RNF43: variants seen among roughly 807,000 people sequenced by gnomAD.
RNF43 encodes the protein ring finger protein 43.
Under a neutral mutation model 78.4 loss-of-function variants are expected in RNF43, and 37 were observed. The ratio of observed to expected loss-of-function variants is 0.47; its 90% CI spans 0.36 to 0.62. RNF43 has a LOEUF of 0.62. Among genes scored for constraint, RNF43 ranks in the 20% least tolerant of loss-of-function variants. RNF43 has a pLI of 0.00. For missense variants in RNF43, 774 were observed against 1,007.9 expected, an observed-to-expected ratio of 0.77 and a Z score of 3.14; for synonymous variants, 347 against 395.0, an observed-to-expected ratio of 0.88 and a Z score of 1.44.
chr17:58,416,567 A>G (rs1203909199), intron 1 of RNF43: 3 of 152,208 alleles, frequency 2.0e-5, no homozygotes, highest in Non-Finnish European at 2.9e-5. Flanking sequence ...AACTACTTTA[A>G]TATCCAGATT....
chr17:58,370,359 C>T (rs1439614989), intron 3 of RNF43, among the ~76,000 whole-genome samples: 1 of 152,150 alleles, frequency 6.6e-6, no homozygotes, highest in African/African-American at 2.4e-5. Flanking sequence ...TGCGCCACCA[C>T]GCCTAGTGAA....
intron 8 of RNF43, among the ~76,000 whole-genome samples, chr17:58,359,238 A>T (rs1486829869): frequency 6.6e-6 from 1 of 152,272 alleles, no homozygotes; most frequent in African/African-American, 2.4e-5. Flanking sequence ...AATAATAAAC[A>T]TATAAATCAC....
chr17:58,362,043 G>A (rs1018416986), intron 6 of RNF43, among the ~76,000 whole-genome samples: 3 of 151,566 alleles, frequency 2.0e-5, no homozygotes, highest in South Asian at 2.1e-4. Context: ...CCGAGATCAC[G>A]CCACTGCATT....
At chr17:58,407,845 C>A (rs773900958) in intron 2 of RNF43, among the ~76,000 whole-genome samples, 1 of 152,156 alleles carries the variant, frequency 6.6e-6, no homozygotes, top group Non-Finnish European at 1.5e-5. Context: ...CATAAAGCCA[C>A]GACGGTTCTA....
chr17:58,393,385 C>T (rs896657739), intron 2 of RNF43, among the ~76,000 whole-genome samples: 1 of 152,008 alleles, frequency 6.6e-6, no homozygotes, highest in African/African-American at 2.4e-5. Context: ...CCAGCCTGGG[C>T]ATCCAGAGCA....
Position 58,357,278 on chromosome 17 carries a change from G to T in RNF43, c.2308+190C>A. 1.3e-6 allele frequency: 1 copy of T among 776,180 alleles called. No homozygotes were observed. The highest frequency in any genetic ancestry group is 2.2e-6 in the Non-Finnish European group (1 of 450,704). 48.1% of individuals were successfully genotyped at this position (776,180 alleles called of 1,614,324 possible). A position where few individuals can be genotyped will look rare whatever the true frequency, so the allele number is the denominator to read the frequency against. ...TCTGCCAACTAAAGGGGTAGCACCT[G>T]GCAGAGGTGGGGTGTTCCTGCACTC... On this transcript the variant is annotated intron_variant, in intron 9 of 9. Coordinates refer to ENST00000407977, the MANE Select transcript of RNF43 (RefSeq NM_017763.6). This position sits in a 1 kb window ranked among gnomAD's most constrained non-coding sequence, Gnocchi z 4.5.
intron 2 of RNF43, among the ~76,000 whole-genome samples, chr17:58,376,478 G>C (rs1172362600): frequency 6.6e-5 from 10 of 152,080 alleles, no homozygotes. Context: ...TTTACAATGA[G>C]AGCTTTTCAA....
At chr17:58,364,596 G>A (rs538096153) in intron 3 of RNF43, among the ~76,000 whole-genome samples, 5 of 152,298 alleles carry the variant, frequency 3.3e-5, no homozygotes, top group East Asian at 1.9e-4. Flanking sequence ...GGGGCCTCCC[G>A]GCCTAGCACA....
rs1598130608 is a variant in RNF43 at position 58,360,724 on chromosome 17, T to C, written c.849+59A>G. 16 of 916,514 alleles carry C rather than the reference T, an allele frequency of 1.7e-5. No individual in the cohort carries two copies. Among genetic ancestry groups the C allele is most frequent in the Admixed American group, 2.2e-5 (1 of 44,490 alleles). 56.8% of individuals were successfully genotyped at this position (916,514 alleles called of 1,614,324 possible). On this transcript the variant is annotated intron_variant, in intron 7 of 9. Transcript: ENST00000407977. This position sits in a 1 kb window ranked among gnomAD's most constrained non-coding sequence, Gnocchi z 4.3. ...ACCAGCCCCTAGGCCTGCCCACCCC[T>C]CCCCCAGCTTCAATCTCCCCAGTCT...
At chr17:58,400,165 C>G (rs1283089015) in intron 2 of RNF43, among the ~76,000 whole-genome samples, 1 of 152,136 alleles carries the variant, frequency 6.6e-6, no homozygotes, top group Non-Finnish European at 1.5e-5. Context: ...ATTCACCGTA[C>G]CACAAGTAAC....
rs1972744084 is a variant in RNF43 at position 58,358,279 on chromosome 17, G to A, written c.1497C>T (p.Ser499=). 1.2e-6 allele frequency: 2 copies of A among 1,614,140 alleles called. No individual in the cohort carries two copies. Among genetic ancestry groups the A allele is most frequent in the South Asian group, 1.1e-5 (1 of 91,088 alleles). ...GVHGSSSTFC[S]SLSSDFDPLV... is the part of the protein sequence containing the mutation. The stretch of plus-strand genomic sequence containing the variant: ...GGGGGTCAAAGTCACTGCTTAGGGA[G>A]CTGCAGAAAGTAGAACTGCTGCCAT... The change falls in exon 9 of 10, where the codon AGC becomes AGT. Residue 499 remains serine, a synonymous_variant. Coordinates refer to ENST00000407977, the MANE Select transcript of RNF43 (RefSeq NM_017763.6). The surrounding 1 kb of genome is among the most constrained non-coding windows in gnomAD (Gnocchi z 6.2).
chr17:58,401,273 G>C (rs966611717), intron 2 of RNF43, among the ~76,000 whole-genome samples: 1 of 152,236 alleles, frequency 6.6e-6, no homozygotes, highest in Non-Finnish European at 1.5e-5. Flanking sequence ...AATAATCGTT[G>C]AATGTCATGC....
chr17:58,385,227 C>G (rs1973407008), intron 2 of RNF43, among the ~76,000 whole-genome samples: 1 of 152,194 alleles, frequency 6.6e-6, no homozygotes, highest in Non-Finnish European at 1.5e-5. Context: ...CTTATTCACT[C>G]CAGTATCTTT....
chr17:58,359,949 AAAAT>A (rs1380762010), intron 8 of RNF43, among the ~76,000 whole-genome samples, 196 bp downstream of exon 8: 4 of 152,260 alleles, frequency 2.6e-5, no homozygotes, highest in Middle Eastern at 6.8e-3. Flanking sequence ...TTAAAATTAA[AAAAT>A]AAATAAATAA....
intron 2 of RNF43, among the ~76,000 whole-genome samples, chr17:58,413,981 A>G (rs1974076476): frequency 6.6e-6 from 1 of 152,228 alleles, no homozygotes; most frequent in Non-Finnish European, 1.5e-5. Flanking sequence ...TTTCCTTTCC[A>G]ATTGCCATAG....
At chr17:58,414,687 C>T (rs1392238346) in intron 2 of RNF43, among the ~76,000 whole-genome samples, 1 of 152,146 alleles carries the variant, frequency 6.6e-6, no homozygotes, top group Non-Finnish European at 1.5e-5. Context: ...CAGTAAAAAA[C>T]ATGTTAAATT....
In RNF43 at chr17:58,358,913, G is replaced by T. The variant is rs1247372724; in HGVS notation, c.953-90C>A. The T allele has an allele frequency of 3.0e-6, 4 of 1,313,250 alleles. No individual in the cohort carries two copies. The African/African-American group carries it at 6.0e-5, about 20-fold the overall frequency. 81.3% of individuals were successfully genotyped at this position (1,313,250 alleles called of 1,614,324 possible). Reference sequence around the variant, plus strand: ...AGACATGGCTGTAGCTAATCTATTTGACCCTGAGTAGCCTGTGAGCTCAGA... The same window carrying T: ...AGACATGGCTGTAGCTAATCTATTTTACCCTGAGTAGCCTGTGAGCTCAGA... On this transcript the variant is annotated intron_variant, in intron 8 of 9. Coordinates refer to ENST00000407977, the MANE Select transcript of RNF43 (RefSeq NM_017763.6). The surrounding 1 kb of genome is among the most constrained non-coding windows in gnomAD (Gnocchi z 6.2).
chr17:58,381,908 G>A (rs961305253), intron 2 of RNF43, among the ~76,000 whole-genome samples: 7 of 129,604 alleles, frequency 5.4e-5, no homozygotes, highest in Non-Finnish European at 1.0e-4. Context: ...TGGTTCTATA[G>A]AGAAAAAAAA....
intron 3 of RNF43, 54 bp from the exon 4 acceptor site, chr17:58,363,654 C>A (rs1972890427): frequency 6.7e-7 from 1 of 1,499,442 alleles, no homozygotes; most frequent in South Asian, 1.2e-5. Flanking sequence ...ACAGAGCCCA[C>A]CCACAGGCTA....
Sources: gnomAD v4.1 joint callset for allele counts (sites outside exome capture counted in the v4.1 genomes callset) on GRCh38, gnomAD v4.1.1 for gene constraint, Gnocchi (gnomAD v3.1) non-coding constraint, MANE v1.5 for transcripts, NCBI Gene and HGNC (gene_info 2026-07-23, HGNC 2026-07-21) for gene names.